IFT88: variants seen among roughly 807,000 people sequenced by gnomAD.
IFT88 encodes the protein intraflagellar transport protein 88 homolog.
A neutral mutation model predicts 119.5 loss-of-function variants in IFT88; 74 were observed. The observed-to-expected ratio is 0.62, with a 90% CI of 0.51 to 0.75. The LOEUF (loss-of-function observed/expected upper bound fraction) is 0.75, where lower values mean the gene tolerates loss of function less well. IFT88 is among the 30% of genes least tolerant of loss of function. The pLI is 0.00. For missense variants in IFT88, 961 were observed against 977.7 expected (o/e 0.98, Z 0.23); for synonymous variants, 279 against 316.7 (o/e 0.88, Z 1.26).
chr13:20,643,631 CTG>C, intron 19 of IFT88, 26 bp downstream of exon 19: 1 of 1,526,758 alleles, frequency 6.5e-7, no homozygotes, highest in Non-Finnish European at 8.9e-7. Flanking sequence ...TAATTTCCTT[CTG>C]TGTTTTAGCA....
At chr13:20,586,812 A>C (rs1278432856) in intron 3 of IFT88, among the ~76,000 whole-genome samples, 6 of 152,194 alleles carry the variant, frequency 3.9e-5, no homozygotes, top group Non-Finnish European at 7.3e-5. Context: ...AATACCTTCC[A>C]ATGTCTAAAG....
At chr13:20,567,864 GTTTGTT>G in intron 1 of IFT88, 1 of 887,770 alleles carries the variant, frequency 1.1e-6, no homozygotes, top group Non-Finnish European at 1.6e-6. Flanking sequence ...AGTTTTTTTT[GTTTGTT>G]TTTTTTTTTT....
At chr13:20,586,638 T>C (rs148956004) in intron 3 of IFT88, among the ~76,000 whole-genome samples, 5 of 151,974 alleles carry the variant, frequency 3.3e-5, no homozygotes, top group African/African-American at 9.6e-5. Flanking sequence ...AAAAATGAGA[T>C]TTAGTCATTA....
intron 3 of IFT88, among the ~76,000 whole-genome samples, chr13:20,588,120 A>G (rs1405745503): frequency 6.8e-6 from 1 of 147,716 alleles, no homozygotes; most frequent in Non-Finnish European, 1.5e-5. Context: ...TTCTCTGACT[A>G]TTCTTTTAGT....
intron 9 of IFT88, among the ~76,000 whole-genome samples, chr13:20,597,345 G>A (rs1030428538): frequency 2.6e-5 from 4 of 151,992 alleles, no homozygotes; most frequent in Admixed American, 6.6e-5. Context: ...AGTGACTCAC[G>A]CCTGTAATCC....
At chr13:20,627,753 A>G (rs1040146905) in intron 15 of IFT88, among the ~76,000 whole-genome samples, 67 of 125,602 alleles carry the variant, frequency 5.3e-4, no homozygotes, top group African/African-American at 2.1e-3. Context: ...AAAAAAAAAA[A>G]GGTTAAGAAT....
chr13:20,668,056 G>A (rs558793044), intron 23 of IFT88, among the ~76,000 whole-genome samples: 41 of 152,300 alleles, frequency 2.7e-4, no homozygotes, highest in South Asian at 2.3e-3. Flanking sequence ...TATATGTGGC[G>A]TTTGTGACAC....
chr13:20,672,191 C>T (rs750099077), intron 24 of IFT88, among the ~76,000 whole-genome samples: 1 of 152,134 alleles, frequency 6.6e-6, no homozygotes, highest in Non-Finnish European at 1.5e-5. Flanking sequence ...GAGTCTTCGT[C>T]CCAATTGCAG....
At chr13:20,569,176 G>A (rs1401058126) in intron 1 of IFT88, among the ~76,000 whole-genome samples, 1 of 152,108 alleles carries the variant, frequency 6.6e-6, no homozygotes, top group Non-Finnish European at 1.5e-5. Context: ...TAGAAAAAAA[G>A]CATAGGTATA....
At chr13:20,646,862 T>C (rs2050835696) in intron 20 of IFT88, among the ~76,000 whole-genome samples, 1 of 150,842 alleles carries the variant, frequency 6.6e-6, no homozygotes, top group Non-Finnish European at 1.5e-5. Flanking sequence ...TTTTTTTTTT[T>C]CTCTCTCTCT....
intron 16 of IFT88, among the ~76,000 whole-genome samples, chr13:20,635,560 G>A (rs1466466928): frequency 6.6e-6 from 1 of 152,186 alleles, no homozygotes; most frequent in Non-Finnish European, 1.5e-5. Context: ...TGTCCTCTGT[G>A]GCTCTTGGCT....
At chr13:20,576,113 A>G (rs535916767) in intron 2 of IFT88, among the ~76,000 whole-genome samples, 8 of 152,332 alleles carry the variant, frequency 5.3e-5, no homozygotes, top group Admixed American at 1.3e-4. Context: ...CATTTCTCTG[A>G]TGGTCAATAA....
At chr13:20,656,333 T>G in intron 21 of IFT88, 32 bp from the exon 22 acceptor site, 1 of 945,178 alleles carries the variant, frequency 1.1e-6, no homozygotes, top group Non-Finnish European at 1.6e-6. Flanking sequence ...TTCTATAATT[T>G]GCTAATATAT....
intron 13 of IFT88, among the ~76,000 whole-genome samples, chr13:20,608,971 A>G (rs867583675): frequency 8.5e-5 from 13 of 152,220 alleles, no homozygotes; most frequent in South Asian, 2.1e-4. Context: ...CTCTATTTCT[A>G]TGGCACTTAT....
At chr13:20,653,199 A>G (rs1026567053) in intron 20 of IFT88, among the ~76,000 whole-genome samples, 7 of 152,224 alleles carry the variant, frequency 4.6e-5, no homozygotes, top group South Asian at 2.1e-4. Context: ...AGCCAGATCT[A>G]TCTGATTCCA....
chr13:20,635,947 C>G (rs547553086), intron 16 of IFT88, among the ~76,000 whole-genome samples: 93 of 152,054 alleles, frequency 6.1e-4, no homozygotes, highest in African/African-American at 2.2e-3. Flanking sequence ...AGCTGATTAA[C>G]TTTCTCAGCC....
chr13:20,664,415 C>G (rs959581900), intron 23 of IFT88, among the ~76,000 whole-genome samples: 1 of 152,158 alleles, frequency 6.6e-6, no homozygotes, highest in Non-Finnish European at 1.5e-5. Context: ...ATTGTACATT[C>G]ATTAGTGCCA....
At chr13:20,686,638 A>G (rs1245690671) in intron 24 of IFT88, among the ~76,000 whole-genome samples, 2 of 146,338 alleles carry the variant, frequency 1.4e-5, no homozygotes, top group Non-Finnish European at 3.0e-5. Context: ...TTGTATTTAA[A>G]TATGATAAAA....
chr13:20,662,936 A>G (rs2054055074), intron 22 of IFT88, among the ~76,000 whole-genome samples: 1 of 152,238 alleles, frequency 6.6e-6, no homozygotes, highest in South Asian at 2.1e-4. Context: ...TTGTTATTGT[A>G]TACAAGACAT....
Sources: allele counts gnomAD v4.1 joint callset (sites outside exome capture counted in the v4.1 genomes callset), GRCh38; gene constraint gnomAD v4.1.1; transcripts MANE v1.5; gene names NCBI Gene and HGNC (gene_info 2026-07-23, HGNC 2026-07-21).